Variants in CPSF6 observed in about 807,000 individuals in gnomAD.
The protein encoded by CPSF6 is cleavage and polyadenylation specific factor 6, also known as cleavage and polyadenylation specificity factor subunit 6.
CPSF6 carries 10 observed loss-of-function variants against 56.7 expected under a neutral mutation model. The ratio of observed to expected loss-of-function variants is 0.18; its 90% CI spans 0.11 to 0.30. The LOEUF (loss-of-function observed/expected upper bound fraction) is 0.30. CPSF6 is among the 10% of genes least tolerant of loss of function. The pLI is 1.00. For synonymous variants in CPSF6, 248 were observed against 244.8 expected (o/e 1.01, Z -0.12); for missense variants, 419 against 722.9 (o/e 0.58, Z 4.82).
rs1486763062 is a variant in CPSF6 at position 69,271,194 on chromosome 12, C to G, written c.*1686C>G. On this transcript the variant is annotated 3_prime_UTR_variant, in exon 10 of 10. Transcript: ENST00000435070. Reference sequence around the variant, plus strand: ...ATCGTTGATGTTTATCAGAACTGTTCACTTTCAGAAATGATTTTTTAAAGC... The same window carrying G: ...ATCGTTGATGTTTATCAGAACTGTTGACTTTCAGAAATGATTTTTTAAAGC... 3.3e-5 allele frequency: 5 copies of G among 152,118 alleles called. No homozygotes were observed. Among genetic ancestry groups the G allele is most frequent in the African/African-American group, 1.2e-4 (5 of 41,408 alleles). The allele number at this position is 152,118 out of a possible 1,614,324, so 9.4% of individuals were successfully genotyped here.
At chr12:69,246,429 T>A (rs1331106356) in intron 1 of CPSF6, among the ~76,000 whole-genome samples, 3 of 152,226 alleles carry the variant, frequency 2.0e-5, no homozygotes, top group Non-Finnish European at 4.4e-5. Flanking sequence ...AGAACTCTTC[T>A]CTATTTTGTT....
In CPSF6 at chr12:69,269,763, T is replaced by C. The variant is rs532032721; in HGVS notation, c.*255T>C. On this transcript the variant is annotated 3_prime_UTR_variant, in exon 10 of 10. Coordinates refer to ENST00000435070, the MANE Select transcript of CPSF6 (RefSeq NM_007007.3). ...TAAAAAGTTATAGCTTTTGCAACTT[T>C]ATTACTGGTTATATACATTTGGCCA... 79 of 204,014 alleles carry C rather than the reference T, an allele frequency of 3.9e-4. No homozygotes were observed. The highest frequency in any genetic ancestry group is 1.8e-3 in the African/African-American group (77 of 42,368). The allele number at this position is 204,014 out of a possible 1,614,324, so 12.6% of individuals were successfully genotyped here.
In CPSF6 at chr12:69,270,115, T is replaced by G. The variant is rs574085962; in HGVS notation, c.*607T>G. The G allele has an allele frequency of 1.3e-5, 2 of 152,328 alleles. No homozygotes were observed. Among genetic ancestry groups the G allele is most frequent in the South Asian group, 4.1e-4 (2 of 4,830 alleles). The allele number at this position is 152,328 out of a possible 1,614,324, so 9.4% of individuals were successfully genotyped here. Reference sequence around the variant, plus strand: ...CTTGCGTTCAGTGAATTAAACATAGTAATTAAGTGTCTTTTGCCCTTGATT... The same window carrying G: ...CTTGCGTTCAGTGAATTAAACATAGGAATTAAGTGTCTTTTGCCCTTGATT... On this transcript the variant is annotated 3_prime_UTR_variant, in exon 10 of 10. Coordinates refer to ENST00000435070, the MANE Select transcript of CPSF6 (RefSeq NM_007007.3).
At chr12:69,267,099 G>A (rs533214866) in intron 9 of CPSF6, among the ~76,000 whole-genome samples, 2 of 151,782 alleles carry the variant, frequency 1.3e-5, no homozygotes, top group Admixed American at 6.6e-5. Context: ...ATTTTATTTC[G>A]TTGAGTTAGT....
rs772743005 is a variant in CPSF6, at chr12:69,239,626, G to GGCGGCC, written c.-19_-14dup. 8.3e-6 allele frequency: 13 copies of GGCGGCC among 1,560,016 alleles called. No individual in the cohort carries two copies. Among genetic ancestry groups the GGCGGCC allele is most frequent in the African/African-American group, 5.7e-5 (4 of 70,566 alleles). ...ACCTGCAGGAGGCGGCGGCGGCGGCGGCGGCCGAGGCTGAAGGAAGATGGC... is the reference window on the plus strand; with the variant it reads ...ACCTGCAGGAGGCGGCGGCGGCGGCGGCGGCCGCGGCCGAGGCTGAAGGAAGATGGC... On this transcript the variant is annotated 5_prime_UTR_variant, in exon 1 of 10. Transcript: ENST00000435070.
chr12:69,261,546 C>G lies in CPSF6; in HGVS notation c.1470-827C>G, dbSNP rs12426391. On this transcript the variant is annotated intron_variant, in intron 8 of 9. Transcript: ENST00000435070. ...TGTCCCTGCACTCCAGCCTGGGTGA[C>G]AGAGAGAGAGAGAGAGACCCTATCT... 2.4e-3 allele frequency among the ~76,000 whole-genome samples: 359 copies of G among 149,836 alleles called. 5 individuals carry two copies. Among genetic ancestry groups the G allele is most frequent in the Admixed American group, 0.022 (333 of 15,056 alleles).
At chr12:69,257,098 T>C (rs1367045546) in intron 4 of CPSF6, among the ~76,000 whole-genome samples, 1 of 152,208 alleles carries the variant, frequency 6.6e-6, no homozygotes, top group East Asian at 1.9e-4. Flanking sequence ...GCCCTGCCAT[T>C]CTTGTCCTAT....
intron 1 of CPSF6, among the ~76,000 whole-genome samples, chr12:69,244,558 T>G (rs1871790647): frequency 6.6e-6 from 1 of 152,080 alleles, no homozygotes; most frequent in Admixed American, 6.5e-5. Context: ...TTTTTTAACT[T>G]TTAAAATTAA....
chr12:69,243,382 G>A (rs898251010), intron 1 of CPSF6, among the ~76,000 whole-genome samples: 1 of 152,196 alleles, frequency 6.6e-6, no homozygotes, highest in Admixed American at 6.5e-5. Context: ...GTCGCTTCAC[G>A]ATGGCGGTAT....
At chr12:69,263,825 T>G (rs1872852988) in intron 9 of CPSF6, among the ~76,000 whole-genome samples, 1 of 152,060 alleles carries the variant, frequency 6.6e-6, no homozygotes, top group Non-Finnish European at 1.5e-5. Context: ...ATTTACAATT[T>G]TAAGGGCTTT....
chr12:69,250,991 A>G (rs756910043), intron 1 of CPSF6, 138 bp from the exon 2 acceptor site: 57 of 843,006 alleles, frequency 6.8e-5, no homozygotes, highest in Non-Finnish European at 9.7e-5. Flanking sequence ...CTATTGCATA[A>G]AGTGGAAAAA....
Position 69,258,846 on chromosome 12 carries a change from T to A in CPSF6, c.951T>A (p.Pro317=), listed in dbSNP as rs752983564. ...PGPPPPQQGP[P]PPPGPFPPRP... ...CACCACCTCCACAACAGGGACCACC[T>A]CCACCTCCAGGCCCCTTTCCACCTC... The change falls in exon 6 of 10, where the codon CCT becomes CCA. Residue 317 remains proline (P), a synonymous_variant. Coordinates refer to ENST00000435070, the MANE Select transcript of CPSF6 (RefSeq NM_007007.3). This position sits in a 1 kb window ranked among gnomAD's most constrained non-coding sequence, Gnocchi z 4.2. The A allele has an allele frequency of 7.4e-6, 12 of 1,613,634 alleles. No individual in the cohort carries two copies. The highest frequency in any genetic ancestry group is 1.0e-5 in the Non-Finnish European group (12 of 1,179,866).
At chr12:69,269,277 A>G (rs1359894097) in intron 9 of CPSF6, among the ~76,000 whole-genome samples, 1 of 151,904 alleles carries the variant, frequency 6.6e-6, no homozygotes, top group Non-Finnish European at 1.5e-5. Flanking sequence ...CATTAAATTT[A>G]TAAGGCAATA....
chr12:69,266,671 A>G (rs1020796430), intron 9 of CPSF6, among the ~76,000 whole-genome samples: 14 of 152,180 alleles, frequency 9.2e-5, no homozygotes, highest in African/African-American at 2.4e-4. Context: ...AAATTTTATG[A>G]ATTTGTGGTA....
intron 1 of CPSF6, among the ~76,000 whole-genome samples, 193 bp from the exon 2 acceptor site, chr12:69,250,936 A>G (rs762983301): frequency 6.6e-6 from 1 of 151,968 alleles, no homozygotes; most frequent in African/African-American, 2.4e-5. Flanking sequence ...GTGAGCCACC[A>G]CTCCCGGCAA....
chr12:69,258,877 C>G lies in CPSF6; in HGVS notation c.982C>G (p.Pro328Ala). The G allele has an allele frequency of 6.2e-7, 1 of 1,614,182 alleles. No individual in the cohort carries two copies. Among genetic ancestry groups the G allele is most frequent in the Non-Finnish European group, 8.5e-7 (1 of 1,180,042 alleles). ...PPPGPFPPRP[P>A]GPLGPPLTLA... ...TCCAGGCCCCTTTCCACCTCGTCCA[C>G]CCGGTCCACTTGGGCCACCCCTTAC... Residue 328 changes from proline (P) to alanine (A), a missense_variant, in exon 6 of 10, where the codon CCC becomes GCC. Transcript: ENST00000435070. The surrounding 1 kb of genome is among the most constrained non-coding windows in gnomAD (Gnocchi z 4.2).
At chr12:69,256,613 G>A in intron 3 of CPSF6, 84 bp from the exon 4 acceptor site, 1 of 1,375,146 alleles carries the variant, frequency 7.3e-7, no homozygotes, top group Middle Eastern at 2.2e-4. Context: ...GATAAAAGCA[G>A]ATTAAGACCT....
At chr12:69,265,599 T>C (rs991933828) in intron 9 of CPSF6, among the ~76,000 whole-genome samples, 3 of 13,290 alleles carry the variant, frequency 2.3e-4, no homozygotes, top group South Asian at 3.2e-3. Flanking sequence ...ATCTGATTAC[T>C]TTTTTTTTTT....
chr12:69,249,584 G>A (rs1213866463), intron 1 of CPSF6, among the ~76,000 whole-genome samples: 1 of 152,096 alleles, frequency 6.6e-6, no homozygotes, highest in Non-Finnish European at 1.5e-5. Flanking sequence ...TTTTCCTTAT[G>A]TCAGATGTTC....
Sources: allele counts gnomAD v4.1 joint callset (sites outside exome capture counted in the v4.1 genomes callset), GRCh38; gene constraint gnomAD v4.1.1; non-coding constraint Gnocchi (gnomAD v3.1); transcripts MANE v1.5; gene names NCBI Gene and HGNC (gene_info 2026-07-23, HGNC 2026-07-21).